Variants in SPAG16 observed in about 807,000 individuals in gnomAD.
SPAG16 encodes the protein sperm-associated antigen 16 protein.
SPAG16 carries 86 observed loss-of-function variants against 80.4 expected under a neutral mutation model. That is an observed-to-expected ratio of 1.07 (90% CI 0.90 to 1.28). The LOEUF (loss-of-function observed/expected upper bound fraction) is 1.28, where lower values mean the gene tolerates loss of function less well. Among genes scored for constraint, SPAG16 ranks in the 50% most tolerant of loss-of-function variants. SPAG16 has a pLI of 0.00. For synonymous variants in SPAG16, 294 were observed against 265.9 expected, an observed-to-expected ratio of 1.11 and a Z score of -1.03; for missense variants, 870 against 765.3, an observed-to-expected ratio of 1.14 and a Z score of -1.61.
chr2:213,540,142 C>A (rs1238906478), intron 10 of SPAG16, among the ~76,000 whole-genome samples: 1 of 149,296 alleles, frequency 6.7e-6, no homozygotes, highest in East Asian at 2.0e-4. Flanking sequence ...TCACGCCATT[C>A]TCCTGCCTCA....
chr2:213,485,669 A>G (rs536171659), intron 9 of SPAG16, among the ~76,000 whole-genome samples: 1 of 152,252 alleles, frequency 6.6e-6, no homozygotes, highest in Non-Finnish European at 1.5e-5. Context: ...CCTGAAATAG[A>G]GTAGATACTC....
At chr2:213,509,574 A>G (rs539904098) in intron 10 of SPAG16, among the ~76,000 whole-genome samples, 2 of 152,338 alleles carry the variant, frequency 1.3e-5, no homozygotes, top group Admixed American at 1.3e-4. Context: ...TACGGGATAT[A>G]ATCTCCTGGT....
intron 8 of SPAG16, among the ~76,000 whole-genome samples, chr2:213,365,939 G>A (rs557636912): frequency 3.3e-5 from 5 of 149,996 alleles, no homozygotes; most frequent in East Asian, 2.0e-4. Context: ...TCAGGAGATC[G>A]AGACCATCCC....
At chr2:214,380,670 G>T (rs931848896) in intron 15 of SPAG16, among the ~76,000 whole-genome samples, 6 of 152,196 alleles carry the variant, frequency 3.9e-5, no homozygotes, top group Admixed American at 2.0e-4. Flanking sequence ...AAATGAGATG[G>T]CTCAGAAGCA....
chr2:213,665,383 C>T (rs1306234280), intron 10 of SPAG16, among the ~76,000 whole-genome samples: 1 of 148,890 alleles, frequency 6.7e-6, no homozygotes, highest in Non-Finnish European at 1.5e-5. Flanking sequence ...CACACACACA[C>T]ATACACACAC....
chr2:214,082,693 G>T (rs1304225819), intron 13 of SPAG16, among the ~76,000 whole-genome samples: 1 of 152,184 alleles, frequency 6.6e-6, no homozygotes, highest in Non-Finnish European at 1.5e-5. Context: ...TTTACCTTCA[G>T]ATATTCTAAT....
intron 15 of SPAG16, among the ~76,000 whole-genome samples, chr2:214,214,726 T>C (rs779606479): frequency 6.6e-6 from 1 of 151,686 alleles, no homozygotes; most frequent in Non-Finnish European, 1.5e-5. Flanking sequence ...ATATTATTAA[T>C]ATAAAATTAG....
intron 9 of SPAG16, among the ~76,000 whole-genome samples, chr2:213,384,008 G>C (rs555319959): frequency 6.6e-6 from 1 of 152,294 alleles, no homozygotes; most frequent in South Asian, 2.1e-4. Flanking sequence ...TTAATCTGCT[G>C]TTGCAAAGAT....
chr2:214,246,682 G>A (rs1302503380), intron 15 of SPAG16, among the ~76,000 whole-genome samples: 1 of 151,988 alleles, frequency 6.6e-6, no homozygotes, highest in African/African-American at 2.4e-5. Context: ...GCAGCCACAG[G>A]AGAGACTTTA....
At chr2:213,667,662 G>C (rs989874095) in intron 10 of SPAG16, among the ~76,000 whole-genome samples, 1 of 152,150 alleles carries the variant, frequency 6.6e-6, no homozygotes, top group Admixed American at 6.5e-5. Flanking sequence ...GATATCATCT[G>C]ATTATAATTA....
chr2:214,256,629 A>C (rs1360317652), intron 15 of SPAG16, among the ~76,000 whole-genome samples: 1 of 151,928 alleles, frequency 6.6e-6, no homozygotes, highest in Non-Finnish European at 1.5e-5. Flanking sequence ...CCATGTGTTT[A>C]AAACAAACAA....
At chr2:213,426,195 T>C (rs1246397878) in intron 9 of SPAG16, among the ~76,000 whole-genome samples, 1 of 152,190 alleles carries the variant, frequency 6.6e-6, no homozygotes, top group Admixed American at 6.5e-5. Flanking sequence ...ACACTAATTC[T>C]TGTCTTGTAC....
intron 15 of SPAG16, among the ~76,000 whole-genome samples, chr2:214,253,862 G>A (rs897647806): frequency 1.3e-5 from 2 of 151,994 alleles, no homozygotes; most frequent in African/African-American, 4.8e-5. Context: ...AGATTGATGG[G>A]GATAGCATTG....
chr2:213,657,064 C>T (rs1055863085), intron 10 of SPAG16, among the ~76,000 whole-genome samples: 1 of 152,040 alleles, frequency 6.6e-6, no homozygotes, highest in Non-Finnish European at 1.5e-5. Context: ...TGATAAAATT[C>T]TTTCTTTTTA....
intron 15 of SPAG16, among the ~76,000 whole-genome samples, chr2:214,339,149 G>T (rs61522336): frequency 1.3e-5 from 2 of 152,286 alleles, no homozygotes; most frequent in East Asian, 3.9e-4. Flanking sequence ...GTGCTATTTA[G>T]AGGTTGATTG....
intron 10 of SPAG16, among the ~76,000 whole-genome samples, chr2:213,615,778 T>C (rs2061573200): frequency 6.6e-6 from 1 of 152,218 alleles, no homozygotes; most frequent in Non-Finnish European, 1.5e-5. Context: ...TAAACAAGAA[T>C]GCAGGACCAG....
intron 15 of SPAG16, among the ~76,000 whole-genome samples, chr2:214,396,553 C>T (rs947129976): frequency 1.3e-5 from 2 of 152,114 alleles, no homozygotes; most frequent in Admixed American, 1.3e-4. Flanking sequence ...CATTTGTCCA[C>T]TACCCAGGTT....
chr2:214,175,244 T>A (rs1269529295), intron 15 of SPAG16, among the ~76,000 whole-genome samples: 7 of 80,156 alleles, frequency 8.7e-5, no homozygotes. Context: ...TATAAAGAAA[T>A]GTATATATAT....
intron 12 of SPAG16, among the ~76,000 whole-genome samples, chr2:213,939,359 T>C (rs1416284209): frequency 6.6e-6 from 1 of 152,186 alleles, no homozygotes; most frequent in East Asian, 1.9e-4. Flanking sequence ...TTATAAATCA[T>C]TAGACAAGCT....
Sources: gnomAD v4.1 joint callset for allele counts (sites outside exome capture counted in the v4.1 genomes callset) on GRCh38, gnomAD v4.1.1 for gene constraint, MANE v1.5 for transcripts, NCBI Gene and HGNC (gene_info 2026-07-23, HGNC 2026-07-21) for gene names.